MLIP: variants seen among roughly 807,000 people sequenced by gnomAD.
MLIP encodes muscular LMNA interacting protein.
MLIP carries 79 observed loss-of-function variants against 84.8 expected under a neutral mutation model. That is an observed-to-expected ratio of 0.93 (90% CI 0.78 to 1.12). The LOEUF is 1.12. MLIP is among the 50% of genes most tolerant of loss of function. The pLI is 0.00. For missense variants in MLIP, 1,257 were observed against 1,160.6 expected (o/e 1.08, Z -1.21); for synonymous variants, 504 against 463.0 (o/e 1.09, Z -1.14).
At chr6:54,059,276 A>G (rs527264633) in intron 1 of MLIP, among the ~76,000 whole-genome samples, 1 of 152,308 alleles carries the variant, frequency 6.6e-6, no homozygotes, top group East Asian at 1.9e-4. Flanking sequence ...GCTTTTACTC[A>G]GTCTTTCACT....
At chr6:54,205,165 A>G (rs1408859920) in intron 11 of MLIP, among the ~76,000 whole-genome samples, 2 of 152,244 alleles carry the variant, frequency 1.3e-5, no homozygotes, top group Non-Finnish European at 2.9e-5. Flanking sequence ...TCTCAAGGGT[A>G]GATGCTTACG....
chr6:54,217,667 C>T, intron 11 of MLIP: 1 of 983,342 alleles, frequency 1.0e-6, no homozygotes, highest in Non-Finnish European at 1.2e-6. Context: ...TTTTTTGAAA[C>T]ATTAGTTCTA....
intron 9 of MLIP, among the ~76,000 whole-genome samples, chr6:54,180,399 A>G (rs1047893609): frequency 6.6e-6 from 1 of 152,126 alleles, no homozygotes; most frequent in African/African-American, 2.4e-5. Flanking sequence ...GTACCTTTGA[A>G]CAAACTTTCT....
intron 1 of MLIP, among the ~76,000 whole-genome samples, chr6:54,061,465 G>A (rs1259417198): frequency 6.6e-6 from 1 of 152,170 alleles, no homozygotes. Context: ...AAATGCAGTA[G>A]TATATGCCCT....
At chr6:54,029,158 T>A (rs1243044215) in intron 1 of MLIP, 4 of 152,224 alleles carry the variant, frequency 2.6e-5, no homozygotes, top group Non-Finnish European at 5.9e-5. Context: ...TCGAAAATCA[T>A]TTCAATAAAT....
chr6:54,105,801 T>C (rs1768968980), intron 1 of MLIP, among the ~76,000 whole-genome samples: 2 of 151,632 alleles, frequency 1.3e-5, no homozygotes, highest in Non-Finnish European at 2.9e-5. Flanking sequence ...TTGTGGAGAG[T>C]AGGATTAGCA....
At chr6:54,050,040 G>A (rs1472225270) in intron 1 of MLIP, among the ~76,000 whole-genome samples, 1 of 152,004 alleles carries the variant, frequency 6.6e-6, no homozygotes, top group Admixed American at 6.6e-5. Context: ...GGTAGAGAGG[G>A]TTTTTCACAT....
chr6:54,234,971 G>A lies in MLIP; in HGVS notation c.2922+4054G>A, dbSNP rs79080931. Reference sequence around the variant, plus strand: ...TGCTTCTCCACTGAGATTCAGTTTCGTATCTTTAGCTGCTTGCTTATCATT... The same window carrying A: ...TGCTTCTCCACTGAGATTCAGTTTCATATCTTTAGCTGCTTGCTTATCATT... On this transcript the variant is annotated intron_variant, in intron 12 of 13. Transcript: ENST00000502396. 2.4e-3 allele frequency among the ~76,000 whole-genome samples: 364 copies of A among 152,128 alleles called. 2 individuals are homozygous for A. The highest frequency in any genetic ancestry group is 8.3e-3 in the African/African-American group (346 of 41,492).
chr6:54,232,862 A>T (rs1318165152), intron 12 of MLIP, among the ~76,000 whole-genome samples: 1 of 152,150 alleles, frequency 6.6e-6, no homozygotes, highest in Non-Finnish European at 1.5e-5. Context: ...AACCATGCTG[A>T]ACTTGTCTTA....
In MLIP at chr6:54,028,906, A is replaced by T. The variant is rs1404750771; in HGVS notation, c.63+9815A>T. The T allele has an allele frequency of 2.0e-5, 3 of 152,168 alleles. No homozygotes were observed. The East Asian group carries it at 5.8e-4, about 29-fold the overall frequency. 9.4% of individuals were successfully genotyped at this position (152,168 alleles called of 1,614,324 possible). A position where few individuals can be genotyped will look rare whatever the true frequency, so the allele number is the denominator to read the frequency against. The stretch of plus-strand genomic sequence containing the variant: ...GGTCTCTTCTTGGCAGCTCATCTTC[A>T]TCTGGCTGTCTACCTCTATCTCCTT... On this transcript the variant is annotated intron_variant, in intron 1 of 12. Transcript: ENST00000274897.
At chr6:54,027,512 G>T (rs1417897183) in intron 1 of MLIP, among the ~76,000 whole-genome samples, 1 of 151,826 alleles carries the variant, frequency 6.6e-6, no homozygotes. Context: ...TCCCTGCAAC[G>T]TACCTGACAC....
chr6:54,254,785 C>A (rs1381879624), intron 12 of MLIP, among the ~76,000 whole-genome samples: 1 of 145,508 alleles, frequency 6.9e-6, no homozygotes, highest in Non-Finnish European at 1.5e-5. Flanking sequence ...CCCTCCCTTC[C>A]CCCCCCACTT....
At chr6:54,131,424 G>A (rs957092964) in intron 3 of MLIP, among the ~76,000 whole-genome samples, 7 of 151,840 alleles carry the variant, frequency 4.6e-5, no homozygotes, top group Admixed American at 1.3e-4. Context: ...TCACACCCAC[G>A]CAGGATAAAC....
intron 1 of MLIP, among the ~76,000 whole-genome samples, chr6:54,024,260 C>T (rs757788209): frequency 5.3e-5 from 8 of 152,228 alleles, no homozygotes; most frequent in Non-Finnish European, 1.0e-4. Context: ...AATTCGCCCA[C>T]CTTAGCCTCC....
intron 1 of MLIP, chr6:54,083,740 G>T: frequency 4.5e-6 from 5 of 1,105,020 alleles, no homozygotes; most frequent in Non-Finnish European, 6.6e-6. Flanking sequence ...TTATGTTTTA[G>T]GTGGCATGGC....
At chr6:54,215,210 G>C in intron 11 of MLIP, 1 of 1,534,288 alleles carries the variant, frequency 6.5e-7, no homozygotes, top group South Asian at 1.2e-5. Flanking sequence ...TGATCATTGA[G>C]GAACCCTATC....
intron 1 of MLIP, among the ~76,000 whole-genome samples, chr6:54,070,013 A>G (rs1766386508): frequency 6.6e-6 from 1 of 151,330 alleles, no homozygotes. Context: ...AAGGGTTTTA[A>G]AATTTTTGTC....
chr6:54,211,625 T>C (rs1184431260), intron 11 of MLIP, among the ~76,000 whole-genome samples: 1 of 152,186 alleles, frequency 6.6e-6, no homozygotes, highest in Non-Finnish European at 1.5e-5. Context: ...ATCTCATCAG[T>C]GAAATGAGGG....
At chr6:54,153,654 C>A (rs1001894518) in intron 5 of MLIP, among the ~76,000 whole-genome samples, 1 of 151,792 alleles carries the variant, frequency 6.6e-6, no homozygotes, top group Non-Finnish European at 1.5e-5. Flanking sequence ...TCGAGACCAG[C>A]CTGGCCAACA....
Sources: allele counts gnomAD v4.1 joint callset (sites outside exome capture counted in the v4.1 genomes callset), GRCh38; gene constraint gnomAD v4.1.1; transcripts MANE v1.5; gene names NCBI Gene and HGNC (gene_info 2026-07-23, HGNC 2026-07-21).